Variants in DSCAM observed in about 807,000 individuals in gnomAD.
DSCAM encodes the protein cell adhesion molecule DSCAM.
Under a neutral mutation model 217.7 loss-of-function variants are expected in DSCAM, and 47 were observed. The ratio of observed to expected loss-of-function variants is 0.22; its 90% CI spans 0.17 to 0.28. The LOEUF (loss-of-function observed/expected upper bound fraction) is 0.28. Ranked by LOEUF, DSCAM falls within the 10% of genes least tolerant of loss-of-function variation. DSCAM has a pLI of 1.00. For synonymous variants in DSCAM, 1,056 were observed against 1,015.3 expected, an observed-to-expected ratio of 1.04 and a Z score of -0.76; for missense variants, 2,080 against 2,618.3, an observed-to-expected ratio of 0.79 and a Z score of 4.49.
chr21:40,658,475 A>G (rs1208765123), intron 3 of DSCAM, among the ~76,000 whole-genome samples: 1 of 152,212 alleles, frequency 6.6e-6, no homozygotes, highest in Admixed American at 6.5e-5. Flanking sequence ...CTGACACTCT[A>G]ATAGGTCACA....
At chr21:40,178,365 A>C (rs1003060032) in intron 15 of DSCAM, among the ~76,000 whole-genome samples, 2 of 152,180 alleles carry the variant, frequency 1.3e-5, no homozygotes, top group Admixed American at 1.3e-4. Context: ...CCTTCTCCAC[A>C]ATGCTTATCT....
chr21:40,830,409 GC>G (rs2092003309), intron 1 of DSCAM, among the ~76,000 whole-genome samples: 1 of 152,180 alleles, frequency 6.6e-6, no homozygotes, highest in African/African-American at 2.4e-5. Context: ...CTCCCACCAG[GC>G]CCCACCTCCA....
chr21:40,827,359 C>A (rs2123623139), intron 1 of DSCAM, among the ~76,000 whole-genome samples: 1 of 151,620 alleles, frequency 6.6e-6, no homozygotes, highest in Middle Eastern at 3.4e-3. Context: ...AGTCCAGCTA[C>A]TCAGGAGGCT....
chr21:40,593,630 G>T (rs574207814), intron 3 of DSCAM, among the ~76,000 whole-genome samples: 1 of 152,268 alleles, frequency 6.6e-6, no homozygotes, highest in African/African-American at 2.4e-5. Flanking sequence ...ACAGGCATGA[G>T]CCACTATACC....
chr21:40,212,771 T>C (rs960125402), intron 11 of DSCAM, among the ~76,000 whole-genome samples: 1 of 152,162 alleles, frequency 6.6e-6, no homozygotes, highest in Non-Finnish European at 1.5e-5. Flanking sequence ...ATACAGTCTT[T>C]GCAGAGTTAA....
intron 32 of DSCAM, among the ~76,000 whole-genome samples, chr21:40,020,727 CGCACTGCCG>C (rs1191648646): frequency 5.3e-5 from 8 of 152,178 alleles, no homozygotes; most frequent in Non-Finnish European, 1.2e-4. Context: ...CCTACCTGCC[CGCACTGCCG>C]GTTCCTTCCC....
chr21:40,653,430 G>A (rs2090038477), intron 3 of DSCAM, among the ~76,000 whole-genome samples: 2 of 152,180 alleles, frequency 1.3e-5, no homozygotes, highest in African/African-American at 4.8e-5. Flanking sequence ...CAAGGCCATA[G>A]ATGTTGTTGA....
At chr21:40,821,505 C>T (rs1452469968) in intron 1 of DSCAM, among the ~76,000 whole-genome samples, 4 of 152,134 alleles carry the variant, frequency 2.6e-5, no homozygotes, top group African/African-American at 4.8e-5. Flanking sequence ...GTGGCAACAG[C>T]TTCACTTCCA....
At position 40,200,930 on chromosome 21, in the gene DSCAM, C is replaced by T. The variant is rs115414195; in HGVS notation, c.2357-11692G>A. 2.3e-3 allele frequency among the ~76,000 whole-genome samples: 345 copies of T among 152,320 alleles called. 2 individuals carry two copies. The highest frequency in any genetic ancestry group is 7.9e-3 in the African/African-American group (327 of 41,576). ...CAAATACTTATTGTTCATAAGATTT[C>T]GGCAAGTGAGGCTGCCTACTGGGCA... On this transcript the variant is annotated intron_variant, in intron 11 of 32. Transcript: ENST00000400454.
chr21:40,844,868 C>CTGAA (rs1189325884), intron 1 of DSCAM, among the ~76,000 whole-genome samples: 2 of 152,170 alleles, frequency 1.3e-5, no homozygotes, highest in Non-Finnish European at 2.9e-5. Flanking sequence ...TTTCATCATC[C>CTGAA]TGAAACACAC....
At chr21:40,648,958 G>A (rs1015039908) in intron 3 of DSCAM, among the ~76,000 whole-genome samples, 2 of 152,200 alleles carry the variant, frequency 1.3e-5, no homozygotes, top group Admixed American at 6.5e-5. Flanking sequence ...CAAGCTCAGC[G>A]GGTGGGGGTG....
intron 1 of DSCAM, among the ~76,000 whole-genome samples, chr21:40,729,224 A>G (rs1170340785): frequency 1.3e-5 from 2 of 152,200 alleles, no homozygotes. Context: ...AGAGATGAGA[A>G]ACCATATAAA....
intron 32 of DSCAM, among the ~76,000 whole-genome samples, chr21:40,033,013 TG>T (rs1005248805): frequency 1.3e-5 from 2 of 152,194 alleles, no homozygotes; most frequent in African/African-American, 4.8e-5. Flanking sequence ...TTGGAATATC[TG>T]GCCCCCAGAA....
Position 40,504,489 on chromosome 21 carries a change from G to A in DSCAM, c.509-135244C>T, listed in dbSNP as rs78170534. Reference sequence around the variant, plus strand: ...TCGATGTGGAATACTGTGGTTAGCGGGCATTACATTAAAATATACAGGATA... The same window carrying A: ...TCGATGTGGAATACTGTGGTTAGCGAGCATTACATTAAAATATACAGGATA... On this transcript the variant is annotated intron_variant, in intron 3 of 32. Coordinates refer to ENST00000400454, the MANE Select transcript of DSCAM (RefSeq NM_001389.5). Among the ~76,000 whole-genome samples, 1,123 of 152,254 alleles carry A rather than the reference G, an allele frequency of 7.4e-3. 13 individuals carry two copies. Among genetic ancestry groups the A allele is most frequent in the African/African-American group, 0.026 (1,064 of 41,550 alleles).
intron 1 of DSCAM, among the ~76,000 whole-genome samples, 170 bp downstream of exon 1, chr21:40,846,449 C>A (rs1459039339): frequency 6.6e-6 from 1 of 151,692 alleles, no homozygotes; most frequent in East Asian, 1.9e-4. Context: ...TCTTCTCCCC[C>A]AAAAAATAAA....
intron 9 of DSCAM, among the ~76,000 whole-genome samples, chr21:40,304,189 C>A (rs2074046515): frequency 6.6e-6 from 1 of 152,130 alleles, no homozygotes; most frequent in African/African-American, 2.4e-5. Flanking sequence ...TTCTTCAAGA[C>A]AACAGCTAAT....
chr21:40,143,557 C>T (rs1204884196), intron 17 of DSCAM, among the ~76,000 whole-genome samples: 1 of 152,108 alleles, frequency 6.6e-6, no homozygotes, highest in East Asian at 1.9e-4. Flanking sequence ...TTTTGGAGGC[C>T]GAGGCGGGCA....
rs2074577182 is a variant in DSCAM at position 40,347,922 on chromosome 21, G to A, written c.958C>T (p.Pro320Ser). 6.2e-7 allele frequency: 1 copy of A among 1,613,108 alleles called. No homozygotes were observed. The highest frequency in any genetic ancestry group is 1.7e-5 in the Admixed American group (1 of 59,940). Residue 320 changes from proline (P) to serine (S), a missense_variant, in exon 6 of 33, where the codon CCC becomes TCC. Pro to Ser is a moderately conservative substitution (Grantham distance 74). This residue lies in a region of DSCAM where 568 missense variants were observed against 678.1 expected (regional missense o/e 0.84). Coordinates refer to ENST00000400454, the MANE Select transcript of DSCAM (RefSeq NM_001389.5). ...CCCACGCTGCTTTTAACCTTCCTGG[G>A]ACTGATGGTGGCTTTCAGTGGCTCT... ...VKQPLKATIS[P>S]RKVKSSVGSQ...
chr21:40,741,591 G>A (rs997609800), intron 1 of DSCAM, among the ~76,000 whole-genome samples: 2 of 151,926 alleles, frequency 1.3e-5, no homozygotes, highest in Admixed American at 1.3e-4. Context: ...TGTTTAACAA[G>A]TCCACTGGGT....
Sources: gnomAD v4.1 joint callset for allele counts (sites outside exome capture counted in the v4.1 genomes callset) on GRCh38, gnomAD v4.1.1 for gene constraint, gnomAD v4.1.1 regional missense constraint, MANE v1.5 for transcripts, NCBI Gene and HGNC (gene_info 2026-07-23, HGNC 2026-07-21) for gene names.